The following UNC5D variants were observed in gnomAD, a reference collection of about 807,000 sequenced individuals.
The protein encoded by UNC5D is unc-5 netrin receptor D.
Under a neutral mutation model 105.4 loss-of-function variants are expected in UNC5D, and 39 were observed. The observed-to-expected ratio is 0.37, with a 90% CI of 0.29 to 0.48. The LOEUF is 0.48. Among genes scored for constraint, UNC5D ranks in the 20% least tolerant of loss-of-function variants. The pLI is 0.98. For synonymous variants in UNC5D, 452 were observed against 450.4 expected, an observed-to-expected ratio of 1.00 and a Z score of -0.04; for missense variants, 991 against 1,202.4, an observed-to-expected ratio of 0.82 and a Z score of 2.60.
At chr8:35,646,770 A>G (rs1271187700) in intron 4 of UNC5D, among the ~76,000 whole-genome samples, 1 of 152,154 alleles carries the variant, frequency 6.6e-6, no homozygotes, top group Non-Finnish European at 1.5e-5. Context: ...TTTTAATCAT[A>G]AATATGTTTC....
At chr8:35,375,441 C>G (rs1312794687) in intron 1 of UNC5D, among the ~76,000 whole-genome samples, 1 of 152,010 alleles carries the variant, frequency 6.6e-6, no homozygotes, top group African/African-American at 2.4e-5. Context: ...GTTAAGAAAC[C>G]CTCCTCCCGC....
intron 2 of UNC5D, among the ~76,000 whole-genome samples, chr8:35,556,443 C>T (rs1449316004): frequency 6.6e-6 from 1 of 152,014 alleles, no homozygotes; most frequent in Non-Finnish European, 1.5e-5. Context: ...TGATCCAGAC[C>T]CCAAGAGAGG....
At chr8:35,460,959 G>A (rs1241719311) in intron 1 of UNC5D, among the ~76,000 whole-genome samples, 5 of 152,322 alleles carry the variant, frequency 3.3e-5, no homozygotes, top group Middle Eastern at 3.4e-3. Context: ...TGATCAGGGC[G>A]ATTCTCCTTA....
chr8:35,315,474 C>T (rs1294922274), intron 1 of UNC5D, among the ~76,000 whole-genome samples: 1 of 152,112 alleles, frequency 6.6e-6, no homozygotes, highest in East Asian at 1.9e-4. Context: ...TGTCTCTGGT[C>T]ATTGAGTGAA....
chr8:35,289,818 A>G (rs779102054), intron 1 of UNC5D, among the ~76,000 whole-genome samples: 1 of 152,184 alleles, frequency 6.6e-6, no homozygotes, highest in African/African-American at 2.4e-5. Flanking sequence ...CATTAGAAAA[A>G]TCGAAACCAC....
intron 1 of UNC5D, among the ~76,000 whole-genome samples, chr8:35,305,203 T>G (rs773264170): frequency 6.6e-6 from 1 of 152,140 alleles, no homozygotes; most frequent in Non-Finnish European, 1.5e-5. Context: ...AGAAGTAGGA[T>G]GGATAGACGT....
intron 16 of UNC5D, among the ~76,000 whole-genome samples, chr8:35,781,233 G>C (rs1049293401): frequency 6.6e-6 from 1 of 152,170 alleles, no homozygotes; most frequent in Admixed American, 6.5e-5. Context: ...GAAACTGCCC[G>C]CTAATATGAA....
chr8:35,406,136 AG>A (rs1476938140), intron 1 of UNC5D, among the ~76,000 whole-genome samples: 1 of 152,202 alleles, frequency 6.6e-6, no homozygotes, highest in Non-Finnish European at 1.5e-5. Context: ...CAAACGGGAT[AG>A]ACTAGCGATA....
chr8:35,750,808 A>T lies in UNC5D; in HGVS notation c.2162A>T (p.Gln721Leu). The T allele has an allele frequency of 6.2e-7, 1 of 1,613,924 alleles. No individual in the cohort carries two copies. Among genetic ancestry groups the T allele is most frequent in the South Asian group, 1.1e-5 (1 of 91,080 alleles). The change falls in exon 13 of 17, where the codon CAG (glutamine) becomes CTG (leucine). Residue 721 changes from glutamine (Q) to leucine (L), a missense_variant and splice_region_variant. Around this residue, in one of 3 missense-constraint regions of UNC5D, gnomAD observed 944 missense variants for 1,131.6 expected, o/e 0.83. Transcript: ENST00000404895. ...GTGGACAATACCCCTTGTGCATTTC[A>T]GGTTAGCCTTTGTTTTAATAATTTT... ...YCVDNTPCAF[Q>L]EVVSDERHQG...
intron 1 of UNC5D, among the ~76,000 whole-genome samples, chr8:35,390,708 T>G (rs1449414703): frequency 1.3e-5 from 2 of 152,220 alleles, no homozygotes; most frequent in African/African-American, 4.8e-5. Context: ...ATGCATATAT[T>G]TCATTTTCAA....
intron 16 of UNC5D, among the ~76,000 whole-genome samples, chr8:35,775,438 A>C (rs1802201239): frequency 6.6e-6 from 1 of 152,202 alleles, no homozygotes; most frequent in Admixed American, 6.5e-5. Context: ...TCTTCAGGGC[A>C]ACACTGATGG....
chr8:35,547,156 T>C (rs1350188123), intron 1 of UNC5D, among the ~76,000 whole-genome samples: 4 of 152,216 alleles, frequency 2.6e-5, no homozygotes, highest in Admixed American at 2.6e-4. Flanking sequence ...TTTCCAGTTG[T>C]TAGGAGCCAT....
At chr8:35,321,805 C>T (rs978439354) in intron 1 of UNC5D, among the ~76,000 whole-genome samples, 3 of 152,146 alleles carry the variant, frequency 2.0e-5, no homozygotes, top group African/African-American at 7.2e-5. Context: ...CAAGCACTGC[C>T]TGTGAGGTAT....
chr8:35,768,416 C>T (rs888622026), intron 15 of UNC5D, among the ~76,000 whole-genome samples: 18 of 151,840 alleles, frequency 1.2e-4, no homozygotes, highest in Non-Finnish European at 2.1e-4. Context: ...ATATTTCACA[C>T]GATACATTCC....
chr8:35,378,489 A>G (rs2128930177), intron 1 of UNC5D, among the ~76,000 whole-genome samples: 1 of 151,960 alleles, frequency 6.6e-6, no homozygotes, highest in Admixed American at 6.5e-5. Flanking sequence ...CAAGAGGCTC[A>G]CCCCCTTCAG....
At chr8:35,512,506 A>ATATC (rs1812796820) in intron 1 of UNC5D, among the ~76,000 whole-genome samples, 1 of 103,782 alleles carries the variant, frequency 9.6e-6, no homozygotes, top group Non-Finnish European at 1.9e-5. Flanking sequence ...ATATATATAT[A>ATATC]TATCTGCATA....
chr8:35,411,271 C>T (rs897433376), intron 1 of UNC5D, among the ~76,000 whole-genome samples: 20 of 151,960 alleles, frequency 1.3e-4, no homozygotes, highest in African/African-American at 4.8e-4. Flanking sequence ...TGATGAAAAA[C>T]CCTCCTGAGA....
chr8:35,758,115 A>G (rs1830595227), intron 13 of UNC5D, among the ~76,000 whole-genome samples: 1 of 152,204 alleles, frequency 6.6e-6, no homozygotes, highest in Admixed American at 6.5e-5. Flanking sequence ...GCAACACCAA[A>G]GAGCTGGAGA....
At chr8:35,521,272 C>T (rs746379965) in intron 1 of UNC5D, among the ~76,000 whole-genome samples, 15 of 151,928 alleles carry the variant, frequency 9.9e-5, no homozygotes, top group East Asian at 1.9e-4. Flanking sequence ...AAGAAGAAGA[C>T]GAGTGGGCAT....
Sources: allele counts gnomAD v4.1 joint callset (sites outside exome capture counted in the v4.1 genomes callset), GRCh38; gene constraint gnomAD v4.1.1; regional missense constraint gnomAD v4.1.1; transcripts MANE v1.5; gene names NCBI Gene and HGNC (gene_info 2026-07-23, HGNC 2026-07-21).